DLGAP4: variants seen among roughly 807,000 people sequenced by gnomAD.
The protein encoded by DLGAP4 is DLG associated protein 4, also known as disks large-associated protein 4.
A neutral mutation model predicts 86.9 loss-of-function variants in DLGAP4; 18 were observed. The observed-to-expected ratio is 0.21, with a 90% CI of 0.14 to 0.31. The LOEUF (loss-of-function observed/expected upper bound fraction) is 0.31, where lower values mean the gene tolerates loss of function less well. DLGAP4 is among the 10% of genes least tolerant of loss of function. The pLI, the probability that DLGAP4 is intolerant of heterozygous loss-of-function variation, is 1.00. For missense variants in DLGAP4, 1,085 were observed against 1,362.6 expected (o/e 0.80, Z 3.21); for synonymous variants, 548 against 574.3 (o/e 0.95, Z 0.65).
intron 1 of DLGAP4, among the ~76,000 whole-genome samples, chr20:36,352,268 G>T (rs1431263652): frequency 1.3e-5 from 2 of 152,174 alleles, no homozygotes; most frequent in African/African-American, 4.8e-5. Context: ...CTGTAAGCCA[G>T]GGTGAGGTCT....
intron 10 of DLGAP4, among the ~76,000 whole-genome samples, chr20:36,515,019 G>C (rs932923446): frequency 1.3e-5 from 2 of 152,140 alleles, no homozygotes; most frequent in African/African-American, 4.8e-5. Context: ...CTGGCATCCA[G>C]GAGAGAGGAG....
intron 9 of DLGAP4, 145 bp downstream of exon 9, chr20:36,499,821 T>TG: frequency 2.8e-6 from 1 of 363,268 alleles, no homozygotes; most frequent in Non-Finnish European, 5.3e-6. Context: ...GGCCCAGGCA[T>TG]GGGAGGCTGG....
At position 36,308,613 on chromosome 20, in the gene DLGAP4, G is replaced by A. The variant is rs1336069334; in HGVS notation, c.-304+2101G>A. ...ACGCTGACGTATCGGATGTATCGGG[G>A]CACCCACTGACATCTCATTAGGTTC... On this transcript the variant is annotated intron_variant, in intron 1 of 12. Coordinates refer to ENST00000339266, the MANE Select transcript of DLGAP4 (RefSeq NM_001365621.2). The surrounding 1 kb of genome is among the most constrained non-coding windows in gnomAD (Gnocchi z 4.5). Among the ~76,000 whole-genome samples, 1 of 152,144 alleles carries A rather than the reference G, an allele frequency of 6.6e-6. No homozygotes were observed. Among genetic ancestry groups the A allele is most frequent in the African/African-American group, 2.4e-5 (1 of 41,428 alleles).
At chr20:36,355,766 T>C (rs775157635) in intron 1 of DLGAP4, among the ~76,000 whole-genome samples, 2 of 152,256 alleles carry the variant, frequency 1.3e-5, no homozygotes, top group Non-Finnish European at 2.9e-5. Context: ...ATAATGCTGC[T>C]ATGAACATTC....
chr20:36,340,640 C>G (rs567317073), intron 1 of DLGAP4, among the ~76,000 whole-genome samples: 180 of 152,312 alleles, frequency 1.2e-3, no homozygotes, highest in Non-Finnish European at 1.0e-3. Flanking sequence ...TGTCCCCACC[C>G]CTGCCCACCC....
intron 2 of DLGAP4, among the ~76,000 whole-genome samples, chr20:36,404,986 T>C (rs1342446227): frequency 6.6e-6 from 1 of 152,108 alleles, no homozygotes; most frequent in Non-Finnish European, 1.5e-5. Flanking sequence ...CGGTGTGCGC[T>C]GGGCCTTGCT....
chr20:36,347,923 T>G (rs1177791480), intron 1 of DLGAP4, among the ~76,000 whole-genome samples: 1 of 152,044 alleles, frequency 6.6e-6, no homozygotes, highest in Non-Finnish European at 1.5e-5. Flanking sequence ...TCCACGATCA[T>G]TCAGAACCTA....
intron 2 of DLGAP4, among the ~76,000 whole-genome samples, chr20:36,375,607 G>A (rs1038242773): frequency 7.9e-5 from 12 of 152,204 alleles, no homozygotes; most frequent in African/African-American, 2.9e-4. Context: ...TGAGATATGA[G>A]AGGTAAGTGC....
At chr20:36,521,218 T>G (rs2037359400) in intron 10 of DLGAP4, among the ~76,000 whole-genome samples, 1 of 152,100 alleles carries the variant, frequency 6.6e-6, no homozygotes, top group African/African-American at 2.4e-5. Flanking sequence ...GCCTTTGCCT[T>G]TCAAAGTGCT....
At chr20:36,427,784 A>G (rs1004244116) in intron 2 of DLGAP4, among the ~76,000 whole-genome samples, 2 of 152,054 alleles carry the variant, frequency 1.3e-5, no homozygotes, top group African/African-American at 4.8e-5. Flanking sequence ...CTCTACTAAA[A>G]ATACAAAAAT....
chr20:36,500,421 G>C lies in DLGAP4; in HGVS notation c.2322G>C (p.Ala774=). The change falls in exon 10 of 13, where the codon GCG becomes GCC. Residue 774 remains alanine, a synonymous_variant. Coordinates refer to ENST00000339266, the MANE Select transcript of DLGAP4 (RefSeq NM_001365621.2). The surrounding 1 kb of genome is among the most constrained non-coding windows in gnomAD (Gnocchi z 4.6). ...YGDNSDPALE[A]SSLPPPDPWL... ...ACAACAGCGACCCTGCCCTAGAGGC[G>C]TCCTCGCTGCCCCCACCCGACCCCT... 3 of 1,578,174 alleles carry C rather than the reference G, an allele frequency of 1.9e-6. No homozygotes were observed. The highest frequency in any genetic ancestry group is 2.6e-6 in the Non-Finnish European group (3 of 1,159,472).
chr20:36,328,951 T>C (rs2065242270), intron 1 of DLGAP4, among the ~76,000 whole-genome samples: 1 of 152,156 alleles, frequency 6.6e-6, no homozygotes, highest in Non-Finnish European at 1.5e-5. Context: ...AATTTATATA[T>C]TTTTAGTAGA....
intron 7 of DLGAP4, among the ~76,000 whole-genome samples, chr20:36,481,444 A>C (rs559597735): frequency 6.6e-6 from 1 of 152,154 alleles, no homozygotes; most frequent in Non-Finnish European, 1.5e-5. Context: ...CTTTACGCTA[A>C]GCACAACTTT....
intron 1 of DLGAP4, among the ~76,000 whole-genome samples, chr20:36,355,576 C>T (rs556006577): frequency 3.3e-5 from 5 of 152,334 alleles, no homozygotes; most frequent in South Asian, 4.1e-4. Context: ...GGATTACAGG[C>T]GTCAGCCACT....
At chr20:36,520,767 C>G (rs1405365736) in intron 10 of DLGAP4, among the ~76,000 whole-genome samples, 1 of 147,262 alleles carries the variant, frequency 6.8e-6, no homozygotes, top group Non-Finnish European at 1.5e-5. Flanking sequence ...ATTGCTTATG[C>G]TTTTGGTGTC....
Position 36,424,832 on chromosome 20 carries a change from T to C in DLGAP4, c.-72-6814T>C, listed in dbSNP as rs1005283584. 8.6e-5 allele frequency among the ~76,000 whole-genome samples: 13 copies of C among 151,848 alleles called. 1 individual carries two copies. Among genetic ancestry groups the C allele is most frequent in the Admixed American group, 3.9e-4 (6 of 15,210 alleles). ...CTCACTGCAACCTCTGCCTTTCAGA[T>C]TGAAGTGATTCTCCTGCCTCTGCCT... On this transcript the variant is annotated intron_variant, in intron 2 of 12. Transcript: ENST00000339266.
At chr20:36,471,682 T>G (rs75023437) in intron 7 of DLGAP4, among the ~76,000 whole-genome samples, 2,532 of 152,142 alleles carry the variant, frequency 0.017, 81 homozygotes, top group African/African-American at 0.058. Context: ...TGAAATGTAT[T>G]AAAGTGGTCT....
At chr20:36,315,057 C>CTGTGTG (rs1237863329) in intron 1 of DLGAP4, among the ~76,000 whole-genome samples, 138,778 of 139,972 alleles carry the variant, frequency 0.99, 68,793 homozygotes, top group Non-Finnish European at 0.99. Context: ...TGCGCCCCCC[C>CTGTGTG]GTGTGTGGTG....
At chr20:36,440,752 C>G (rs1394488980) in intron 5 of DLGAP4, among the ~76,000 whole-genome samples, 3 of 152,002 alleles carry the variant, frequency 2.0e-5, no homozygotes, top group East Asian at 1.9e-4. Context: ...AAGGCACCCC[C>G]CATCGTGTGG....
Sources: gnomAD v4.1 joint callset for allele counts (sites outside exome capture counted in the v4.1 genomes callset) on GRCh38, gnomAD v4.1.1 for gene constraint, Gnocchi (gnomAD v3.1) non-coding constraint, MANE v1.5 for transcripts, NCBI Gene and HGNC (gene_info 2026-07-23, HGNC 2026-07-21) for gene names.